PIWIL1: variants seen among roughly 807,000 people sequenced by gnomAD.
PIWIL1 encodes the protein piwi like RNA-mediated gene silencing 1.
PIWIL1 carries 73 observed loss-of-function variants against 114.4 expected under a neutral mutation model. That is an observed-to-expected ratio of 0.64 (90% CI 0.53 to 0.78). The LOEUF is 0.78. Among genes scored for constraint, PIWIL1 ranks in the 30% least tolerant of loss-of-function variants. The probability of loss-of-function intolerance (pLI) is 0.00; values close to 1 mark genes in which losing one functional copy is unlikely to be tolerated. For synonymous variants in PIWIL1, 375 were observed against 369.0 expected (o/e 1.02, Z -0.19); for missense variants, 723 against 1,063.1 (o/e 0.68, Z 4.45).
chr12:130,355,393 G>A (rs2073336902), intron 11 of PIWIL1, among the ~76,000 whole-genome samples, 160 bp from the exon 12 acceptor site: 1 of 152,218 alleles, frequency 6.6e-6, no homozygotes, highest in South Asian at 2.1e-4. Context: ...GGTGATGAGA[G>A]AAAGATGATT....
At chr12:130,365,505 T>G (rs2073630553) in intron 18 of PIWIL1, among the ~76,000 whole-genome samples, 1 of 152,242 alleles carries the variant, frequency 6.6e-6, no homozygotes, top group Non-Finnish European at 1.5e-5. Context: ...AAGTTTGGAC[T>G]TCAATGTTTG....
At chr12:130,347,093 A>G in intron 6 of PIWIL1, 31 bp downstream of exon 6, 1 of 1,483,804 alleles carries the variant, frequency 6.7e-7, no homozygotes, top group East Asian at 2.3e-5. Flanking sequence ...TTTTATTAAG[A>G]AAACAGCAAA....
chr12:130,391,796 C>A, the PIWIL1 span, among the ~76,000 whole-genome samples: 1 of 18,358 alleles, frequency 5.4e-5, no homozygotes. Flanking sequence ...CTGCGACACC[C>A]ATGGGGGCAT....
At chr12:130,388,802 A>G in the PIWIL1 span, among the ~76,000 whole-genome samples, 43 of 152,116 alleles carry the variant, frequency 2.8e-4, no homozygotes, top group Non-Finnish European at 5.9e-5. Context: ...GCTTTAATAC[A>G]CTTTTATTTC....
At chr12:130,387,946 G>T in the PIWIL1 span, among the ~76,000 whole-genome samples, 1 of 152,264 alleles carries the variant, frequency 6.6e-6, no homozygotes, top group South Asian at 2.1e-4. Context: ...CTAACCCAAA[G>T]TCAGAAATAT....
intron 19 of PIWIL1, among the ~76,000 whole-genome samples, chr12:130,370,481 C>T (rs549605278): frequency 2.6e-5 from 4 of 152,242 alleles, no homozygotes; most frequent in South Asian, 2.1e-4. Context: ...ATGATACTTT[C>T]AAGTATATGG....
At chr12:130,367,079 G>C in intron 18 of PIWIL1, 54 bp from the exon 19 acceptor site, 16 of 1,602,114 alleles carry the variant, frequency 1.0e-5, no homozygotes, top group Non-Finnish European at 1.4e-5. Flanking sequence ...GAATGAATGA[G>C]TGCCCTGAAA....
the PIWIL1 span, among the ~76,000 whole-genome samples, chr12:130,409,332 CTTTTTTTTTTTTTTT>C: frequency 1.5e-5 from 1 of 65,402 alleles, no homozygotes; most frequent in South Asian, 7.8e-4. Flanking sequence ...CAAAATGTAG[CTTTTTTTTTTTTTTT>C]TTTTTTTTTT....
At chr12:130,370,143 GT>G (rs1383430498) in intron 19 of PIWIL1, among the ~76,000 whole-genome samples, 2 of 151,302 alleles carry the variant, frequency 1.3e-5, no homozygotes, top group African/African-American at 4.9e-5. Flanking sequence ...AATTTTACTA[GT>G]TTTGATGGGC....
chr12:130,357,998 G>T (rs188656513), intron 14 of PIWIL1, among the ~76,000 whole-genome samples: 325 of 152,326 alleles, frequency 2.1e-3, no homozygotes, highest in Non-Finnish European at 3.3e-3. Flanking sequence ...TCAGCAGCTT[G>T]TCAGCTTCCG....
Position 130,371,751 on chromosome 12 carries a change from A to T in PIWIL1, c.*153A>T. On this transcript the variant is annotated 3_prime_UTR_variant, in exon 21 of 21. Coordinates refer to ENST00000245255, the MANE Select transcript of PIWIL1 (RefSeq NM_004764.5). ...CATTTTATTTCTAGCATTGCTATTCACCGGCTTCCTTATTTTATACGTAAA... is the reference window on the plus strand; with the variant it reads ...CATTTTATTTCTAGCATTGCTATTCTCCGGCTTCCTTATTTTATACGTAAA... The T allele has an allele frequency of 2.1e-6, 1 of 470,684 alleles. No individual in the cohort carries two copies. Among genetic ancestry groups the T allele is most frequent in the Non-Finnish European group, 3.8e-6 (1 of 263,912 alleles). 29.2% of individuals were successfully genotyped at this position (470,684 alleles called of 1,614,324 possible).
the PIWIL1 span, among the ~76,000 whole-genome samples, chr12:130,418,304 A>C: frequency 6.6e-6 from 1 of 152,122 alleles, no homozygotes; most frequent in Non-Finnish European, 1.5e-5. Flanking sequence ...GGCTGTTATG[A>C]TTTTGTTGAT....
chr12:130,424,716 C>A, the PIWIL1 span: 1 of 1,232,286 alleles, frequency 8.1e-7, no homozygotes, highest in African/African-American at 1.5e-5. This position sits in a 1 kb window ranked among gnomAD's most constrained non-coding sequence, Gnocchi z 9.8. Flanking sequence ...CGGCCCTGCA[C>A]CCTGCTTGTG....
chr12:130,355,175 C>T (rs182353934), intron 11 of PIWIL1, among the ~76,000 whole-genome samples, 170 bp downstream of exon 11: 1 of 152,302 alleles, frequency 6.6e-6, no homozygotes, highest in Admixed American at 6.5e-5. Context: ...ACCTATACCT[C>T]ACTTATTCCT....
intron 12 of PIWIL1, among the ~76,000 whole-genome samples, chr12:130,355,911 C>A (rs2073352133): frequency 6.6e-6 from 1 of 152,168 alleles, no homozygotes; most frequent in Admixed American, 6.5e-5. Flanking sequence ...CACTCTCTAT[C>A]AACCCACATG....
chr12:130,393,443 T>G, the PIWIL1 span, among the ~76,000 whole-genome samples: 1 of 149,730 alleles, frequency 6.7e-6, no homozygotes, highest in Non-Finnish European at 1.5e-5. Flanking sequence ...AATGTTGTGA[T>G]GACCCGGTCA....
chr12:130,418,322 G>GA, the PIWIL1 span, among the ~76,000 whole-genome samples: 1 of 152,150 alleles, frequency 6.6e-6, no homozygotes, highest in Admixed American at 6.5e-5. Flanking sequence ...GATAGTCCAT[G>GA]AAAAAACCTG....
the PIWIL1 span, among the ~76,000 whole-genome samples, chr12:130,408,742 C>T: frequency 6.6e-6 from 1 of 152,216 alleles, no homozygotes; most frequent in Non-Finnish European, 1.5e-5. Context: ...TGTGTTTCTT[C>T]TAAACACAGC....
chr12:130,424,853 G>A, the PIWIL1 span: 2 of 1,232,348 alleles, frequency 1.6e-6, no homozygotes, highest in Non-Finnish European at 2.0e-6. The surrounding 1 kb of genome is among the most constrained non-coding windows in gnomAD (Gnocchi z 9.8). Flanking sequence ...TATGGTCAGT[G>A]CAGTCCTTAC....
Sources: gnomAD v4.1 joint callset for allele counts (sites outside exome capture counted in the v4.1 genomes callset) on GRCh38, gnomAD v4.1.1 for gene constraint, Gnocchi (gnomAD v3.1) non-coding constraint, MANE v1.5 for transcripts, NCBI Gene and HGNC (gene_info 2026-07-23, HGNC 2026-07-21) for gene names.